The following MAPRE1 variants were observed in gnomAD, a reference collection of about 807,000 sequenced individuals.
MAPRE1 encodes microtubule-associated protein RP/EB family member 1.
MAPRE1 carries 5 observed loss-of-function variants against 32.1 expected under a neutral mutation model. The observed-to-expected ratio is 0.16, with a 90% CI of 0.08 to 0.33. The LOEUF is 0.33. Ranked by LOEUF, MAPRE1 falls within the 10% of genes least tolerant of loss-of-function variation. The pLI is 1.00. For missense variants in MAPRE1, 209 were observed against 327.2 expected (o/e 0.64, Z 2.79); for synonymous variants, 122 against 118.9 (o/e 1.03, Z -0.17).
chr20:32,847,805 A>G (rs1600337152), intron 6 of MAPRE1, among the ~76,000 whole-genome samples: 1 of 152,302 alleles, frequency 6.6e-6, no homozygotes, highest in East Asian at 1.9e-4. Context: ...TCCATGCCAG[A>G]ATGCCCTGTA....
intron 2 of MAPRE1, among the ~76,000 whole-genome samples, chr20:32,826,362 G>A (rs1475973918): frequency 2.0e-5 from 3 of 150,742 alleles, no homozygotes; most frequent in East Asian, 2.0e-4. Flanking sequence ...GACTACAGGC[G>A]CCTGCCACCA....
chr20:32,838,576 A>T (rs1438070131), intron 4 of MAPRE1, among the ~76,000 whole-genome samples: 1 of 152,186 alleles, frequency 6.6e-6, no homozygotes, highest in Non-Finnish European at 1.5e-5. Context: ...CCTTTTGCAG[A>T]ACTACCTGTT....
chr20:32,824,749 G>A (rs908124765), intron 1 of MAPRE1, among the ~76,000 whole-genome samples: 4 of 149,098 alleles, frequency 2.7e-5, no homozygotes, highest in African/African-American at 7.5e-5. Flanking sequence ...CTCCTCCCAC[G>A]TCAGCCTCCC....
At chr20:32,825,744 C>T (rs971979200) in intron 1 of MAPRE1, among the ~76,000 whole-genome samples, 181 bp from the exon 2 acceptor site, 31 of 151,936 alleles carry the variant, frequency 2.0e-4, no homozygotes, top group Non-Finnish European at 2.9e-5. Flanking sequence ...GAGTCGAGGT[C>T]GTGCCACTGC....
At chr20:32,844,466 T>TTTTTGTG (rs1843985765) in intron 5 of MAPRE1, among the ~76,000 whole-genome samples, 1 of 138,548 alleles carries the variant, frequency 7.2e-6, no homozygotes, top group Admixed American at 7.2e-5. Flanking sequence ...TTTTTTTTTT[T>TTTTTGTG]TTTTGTGGCG....
At chr20:32,835,230 A>G (rs1983154506) in intron 3 of MAPRE1, among the ~76,000 whole-genome samples, 1 of 152,218 alleles carries the variant, frequency 6.6e-6, no homozygotes, top group Admixed American at 6.5e-5. Flanking sequence ...ATCTCTAAAA[A>G]AGATTAAAAA....
chr20:32,831,365 T>G (rs1983018818), intron 2 of MAPRE1, among the ~76,000 whole-genome samples: 1 of 152,148 alleles, frequency 6.6e-6, no homozygotes, highest in Non-Finnish European at 1.5e-5. Flanking sequence ...TAATTGATTC[T>G]TTCTCTTTTT....
chr20:32,833,947 A>G, intron 3 of MAPRE1, 85 bp downstream of exon 3: 2 of 1,306,220 alleles, frequency 1.5e-6, no homozygotes, highest in Non-Finnish European at 2.1e-6. Flanking sequence ...GACTTTGGAC[A>G]TTTTCTTTTT....
intron 2 of MAPRE1, among the ~76,000 whole-genome samples, chr20:32,827,724 G>A (rs1275825533): frequency 1.3e-5 from 2 of 151,842 alleles, no homozygotes; most frequent in East Asian, 2.0e-4. Flanking sequence ...GTGAAGCCCC[G>A]TCTCTGCTAA....
intron 2 of MAPRE1, among the ~76,000 whole-genome samples, chr20:32,833,372 T>C (rs537103242): frequency 6.6e-6 from 1 of 152,302 alleles, no homozygotes; most frequent in South Asian, 2.1e-4. Flanking sequence ...AATGTCACTT[T>C]TGTTATTTTC....
intron 6 of MAPRE1, 68 bp from the exon 7 acceptor site, chr20:32,848,604 T>G: frequency 4.1e-6 from 5 of 1,208,868 alleles, no homozygotes; most frequent in Non-Finnish European, 6.1e-6. Context: ...GCTGTAAGTA[T>G]GAGGAAAGTG....
chr20:32,839,723 T>C lies in MAPRE1; in HGVS notation c.476-12T>C. 6.2e-7 allele frequency: 1 copy of C among 1,613,184 alleles called. No homozygotes were observed. The highest frequency in any genetic ancestry group is 8.5e-7 in the Non-Finnish European group (1 of 1,179,720). Reference sequence around the variant, plus strand: ...ATTACTCCTTTTCAAAAACCTGTGCTCTCTTTTTCAGCTCCCCAGAGGCCC... The same window carrying C: ...ATTACTCCTTTTCAAAAACCTGTGCCCTCTTTTTCAGCTCCCCAGAGGCCC... On this transcript the variant is annotated splice_polypyrimidine_tract_variant and intron_variant, in intron 4 of 6. Coordinates refer to ENST00000375571, the MANE Select transcript of MAPRE1 (RefSeq NM_012325.3).
intron 2 of MAPRE1, among the ~76,000 whole-genome samples, chr20:32,829,080 A>G (rs1231969228): frequency 2.0e-5 from 3 of 151,610 alleles, no homozygotes; most frequent in Non-Finnish European, 4.4e-5. Flanking sequence ...GCCACCTGTA[A>G]TTTTTGTATT....
At chr20:32,831,732 A>G (rs570185611) in intron 2 of MAPRE1, among the ~76,000 whole-genome samples, 2 of 151,848 alleles carry the variant, frequency 1.3e-5, no homozygotes, top group Non-Finnish European at 2.9e-5. Flanking sequence ...ACGGGATTTC[A>G]TCATGTTGGT....
chr20:32,844,465 T>TTTTTTTTTTTTTTTTTTTTC, intron 5 of MAPRE1, among the ~76,000 whole-genome samples: 1 of 138,258 alleles, frequency 7.2e-6, no homozygotes, highest in African/African-American at 2.8e-5. Context: ...TTTTTTTTTT[T>TTTTTTTTTTTTTTTTTTTTC]TTTTTGTGGC....
At chr20:32,842,810 G>C (rs1299263808) in intron 5 of MAPRE1, among the ~76,000 whole-genome samples, 1 of 152,208 alleles carries the variant, frequency 6.6e-6, no homozygotes, top group African/African-American at 2.4e-5. Flanking sequence ...GGTTACGGAA[G>C]GCAAGAACCA....
At chr20:32,841,617 T>TC (rs1468344602) in intron 5 of MAPRE1, among the ~76,000 whole-genome samples, 2 of 46,426 alleles carry the variant, frequency 4.3e-5, no homozygotes, top group Admixed American at 4.9e-4. Context: ...CCCTCCCCCC[T>TC]CCCCCCACCG....
intron 2 of MAPRE1, among the ~76,000 whole-genome samples, chr20:32,829,684 A>G (rs1982965395): frequency 6.7e-6 from 1 of 148,724 alleles, no homozygotes; most frequent in African/African-American, 2.4e-5. Context: ...TGAGAGGGCA[A>G]AGTGCTGAGG....
chr20:32,849,834 C>T lies in MAPRE1; in HGVS notation c.*1106C>T, dbSNP rs1435976078. 1 of 152,570 alleles carries T rather than the reference C, an allele frequency of 6.6e-6. No individual in the cohort carries two copies. The highest frequency in any genetic ancestry group is 6.6e-5 in the Admixed American group (1 of 15,264). The allele number at this position is 152,570 out of a possible 1,614,324, so 9.5% of individuals were successfully genotyped here. On this transcript the variant is annotated 3_prime_UTR_variant, in exon 7 of 7. Coordinates refer to ENST00000375571, the MANE Select transcript of MAPRE1 (RefSeq NM_012325.3). ...TTCGGTATCTGCTGTTCACAGCTCT[C>T]CACTGTAATCCGAATACTTTGCCAG...
Sources: allele counts gnomAD v4.1 joint callset (sites outside exome capture counted in the v4.1 genomes callset), GRCh38; gene constraint gnomAD v4.1.1; transcripts MANE v1.5; gene names NCBI Gene and HGNC (gene_info 2026-07-23, HGNC 2026-07-21).